DAAM1: variants seen among roughly 807,000 people sequenced by gnomAD.
DAAM1 encodes the protein disheveled-associated activator of morphogenesis 1.
Under a neutral mutation model 130.0 loss-of-function variants are expected in DAAM1, and 52 were observed. That is an observed-to-expected ratio of 0.40 (90% CI 0.32 to 0.50). DAAM1 has a LOEUF of 0.50. Among genes scored for constraint, DAAM1 ranks in the 20% least tolerant of loss-of-function variants. The pLI is 0.61. For missense variants in DAAM1, 1,134 were observed against 1,303.8 expected, an observed-to-expected ratio of 0.87 and a Z score of 2.01; for synonymous variants, 452 against 444.5, an observed-to-expected ratio of 1.02 and a Z score of -0.21.
intron 1 of DAAM1, among the ~76,000 whole-genome samples, chr14:59,257,275 T>G (rs527542462): frequency 1.3e-5 from 2 of 152,106 alleles, no homozygotes; most frequent in Non-Finnish European, 2.9e-5. Flanking sequence ...TTTATACTTT[T>G]GCATTCAACA....
At chr14:59,341,250 T>A (rs971506522) in intron 16 of DAAM1, among the ~76,000 whole-genome samples, 1 of 152,210 alleles carries the variant, frequency 6.6e-6, no homozygotes, top group Non-Finnish European at 1.5e-5. Flanking sequence ...TACTTCTGCC[T>A]CTGGCTGAAA....
At chr14:59,223,459 G>A (rs1484829509) in intron 1 of DAAM1, among the ~76,000 whole-genome samples, 1 of 152,192 alleles carries the variant, frequency 6.6e-6, no homozygotes, top group African/African-American at 2.4e-5. Flanking sequence ...CCTAAAAGCC[G>A]GTGCTGCAAT....
At chr14:59,322,381 G>C (rs956492894) in intron 5 of DAAM1, among the ~76,000 whole-genome samples, 1 of 151,956 alleles carries the variant, frequency 6.6e-6, no homozygotes, top group Non-Finnish European at 1.5e-5. Context: ...AATTGACTGG[G>C]AATGGTGGCA....
intron 1 of DAAM1, among the ~76,000 whole-genome samples, chr14:59,224,976 A>G (rs531418280): frequency 6.7e-5 from 10 of 148,636 alleles, no homozygotes; most frequent in African/African-American, 2.5e-4. Flanking sequence ...CACACTTCCC[A>G]ACCTCTACAA....
chr14:59,289,845 C>G (rs1486426172), intron 2 of DAAM1, among the ~76,000 whole-genome samples: 3 of 149,094 alleles, frequency 2.0e-5, no homozygotes, highest in African/African-American at 7.5e-5. Context: ...ACACATATGC[C>G]GCTGGAGGCC....
At chr14:59,359,585 G>T in intron 21 of DAAM1, 81 bp downstream of exon 21, 8 of 992,650 alleles carry the variant, frequency 8.1e-6, no homozygotes, top group Non-Finnish European at 1.2e-5. Flanking sequence ...ACTGCATGAA[G>T]TCAGTCCTTC....
At chr14:59,308,251 A>G (rs899464871) in intron 3 of DAAM1, among the ~76,000 whole-genome samples, 7 of 152,220 alleles carry the variant, frequency 4.6e-5, no homozygotes, top group African/African-American at 1.7e-4. Context: ...ACATGAGGGT[A>G]TGATGAACTT....
At chr14:59,198,808 A>G (rs1449233737) in intron 1 of DAAM1, among the ~76,000 whole-genome samples, 2 of 152,250 alleles carry the variant, frequency 1.3e-5, no homozygotes, top group African/African-American at 4.8e-5. Flanking sequence ...GCAATTGCAC[A>G]GAGAAAAAGA....
intron 1 of DAAM1, among the ~76,000 whole-genome samples, chr14:59,248,200 A>C (rs1881479264): frequency 6.6e-6 from 1 of 152,244 alleles, no homozygotes. Flanking sequence ...CAATAAAGCA[A>C]TTAGTGTTCA....
chr14:59,370,055 G>A lies in DAAM1; in HGVS notation c.*1196G>A, dbSNP rs538055874. 2 of 147,976 alleles carry A rather than the reference G, an allele frequency of 1.4e-5. No homozygotes were observed. Among genetic ancestry groups the A allele is most frequent in the South Asian group, 4.3e-4 (2 of 4,696 alleles). The allele number at this position is 147,976 out of a possible 1,614,324, so 9.2% of individuals were successfully genotyped here. On this transcript the variant is annotated 3_prime_UTR_variant, in exon 25 of 25. Transcript: ENST00000360909. ...ACATGAATAAAATCAATGAACATTAGAAAATAAAATATAGATGCTTACCAT... is the reference window on the plus strand; with the variant it reads ...ACATGAATAAAATCAATGAACATTAAAAAATAAAATATAGATGCTTACCAT...
intron 1 of DAAM1, among the ~76,000 whole-genome samples, chr14:59,251,982 A>G (rs1339924523): frequency 6.6e-6 from 1 of 152,172 alleles, no homozygotes; most frequent in African/African-American, 2.4e-5. Flanking sequence ...GCTGCCCCAA[A>G]TGAGTCCCTC....
chr14:59,264,805 C>CT (rs1882355472), intron 2 of DAAM1: 1 of 152,186 alleles, frequency 6.6e-6, no homozygotes, highest in African/African-American at 2.4e-5. Context: ...TCCTGATACT[C>CT]TCCCCAATCC....
rs534167540 is a variant in DAAM1, at chr14:59,273,708, T to C, written c.183+10048T>C. Among the ~76,000 whole-genome samples the C allele has an allele frequency of 3.9e-5, 6 of 152,354 alleles. No individual in the cohort carries two copies. The South Asian group carries it at 1.2e-3, about 32-fold the overall frequency. On this transcript the variant is annotated intron_variant, in intron 2 of 24. Coordinates refer to ENST00000360909, the MANE Select transcript of DAAM1 (RefSeq NM_001270520.2). ...TAAGCCAATACAGGTGTCAAAAGGC[T>C]GGAGGAATAATTTGATCTTTATAAG...
Position 59,291,226 on chromosome 14 carries a change from G to C in DAAM1, c.193G>C (p.Asp65His). ...VMFSELVDEL[D>H]LTDKHREAMF... ...TTTTCTTTCTTCTCAGGATGAACTGGACCTCACAGACAAACACAGAGAAGC... is the reference window on the plus strand; with the variant it reads ...TTTTCTTTCTTCTCAGGATGAACTGCACCTCACAGACAAACACAGAGAAGC... Residue 65 changes from aspartate to histidine, a missense_variant, in exon 3 of 25, where the codon GAC (aspartate) becomes CAC (histidine). By Grantham distance (81) the Asp-to-His change is moderately conservative. This residue lies in a region of DAAM1 where 99 missense variants were observed against 86.4 expected (regional missense o/e 1.15). Coordinates refer to ENST00000360909, the MANE Select transcript of DAAM1 (RefSeq NM_001270520.2). The C allele has an allele frequency of 1.2e-6, 2 of 1,609,282 alleles. No individual in the cohort carries two copies. The highest frequency in any genetic ancestry group is 1.7e-6 in the Non-Finnish European group (2 of 1,178,676).
chr14:59,255,900 A>G (rs1881860600), intron 1 of DAAM1, among the ~76,000 whole-genome samples: 2 of 152,208 alleles, frequency 1.3e-5, no homozygotes, highest in African/African-American at 4.8e-5. Flanking sequence ...TGCACTTTGC[A>G]AGTGGATGTA....
At chr14:59,228,352 G>A (rs765820632) in intron 1 of DAAM1, among the ~76,000 whole-genome samples, 17 of 152,228 alleles carry the variant, frequency 1.1e-4, no homozygotes, top group Middle Eastern at 3.4e-3. Flanking sequence ...CAGCTTCTCA[G>A]AAAATTTAGA....
At chr14:59,313,784 T>C (rs1884683262) in intron 3 of DAAM1, among the ~76,000 whole-genome samples, 1 of 152,250 alleles carries the variant, frequency 6.6e-6, no homozygotes, top group African/African-American at 2.4e-5. Flanking sequence ...TTTATTAACA[T>C]GTTAAAGTAT....
chr14:59,281,620 T>C (rs1271499), intron 2 of DAAM1, among the ~76,000 whole-genome samples: 21,269 of 152,112 alleles, frequency 0.14, 1,672 homozygotes, highest in Middle Eastern at 0.2. Context: ...ATTTGGACTT[T>C]ATCTTGGAAA....
chr14:59,268,188 A>G (rs1177603573), intron 2 of DAAM1, among the ~76,000 whole-genome samples: 1 of 152,018 alleles, frequency 6.6e-6, no homozygotes, highest in African/African-American at 2.4e-5. Context: ...GGCATGAGTC[A>G]CCGCGCCCGG....
Sources: gnomAD v4.1 joint callset for allele counts (sites outside exome capture counted in the v4.1 genomes callset) on GRCh38, gnomAD v4.1.1 for gene constraint, gnomAD v4.1.1 regional missense constraint, MANE v1.5 for transcripts, NCBI Gene and HGNC (gene_info 2026-07-23, HGNC 2026-07-21) for gene names.